Variants in PTPRT observed in about 807,000 individuals in gnomAD.
The protein encoded by PTPRT is receptor-type tyrosine-protein phosphatase T.
PTPRT carries 56 observed loss-of-function variants against 176.8 expected under a neutral mutation model. The ratio of observed to expected loss-of-function variants is 0.32; its 90% confidence interval spans 0.26 to 0.40. PTPRT has a LOEUF of 0.40. Ranked by LOEUF, PTPRT falls within the 10% of genes least tolerant of loss-of-function variation. PTPRT has a pLI of 1.00. For synonymous variants in PTPRT, 783 were observed against 739.0 expected, an observed-to-expected ratio of 1.06 and a Z score of -0.96; for missense variants, 1,540 against 1,908.2, an observed-to-expected ratio of 0.81 and a Z score of 3.60.
At chr20:42,621,228 C>T (rs1285776152) in intron 7 of PTPRT, among the ~76,000 whole-genome samples, 1 of 152,192 alleles carries the variant, frequency 6.6e-6, no homozygotes, top group East Asian at 1.9e-4. Context: ...GCCTGCCCTC[C>T]AGCTCCTCGG....
At chr20:42,775,088 G>T (rs940989091) in intron 4 of PTPRT, among the ~76,000 whole-genome samples, 1 of 152,148 alleles carries the variant, frequency 6.6e-6, no homozygotes, top group Non-Finnish European at 1.5e-5. Flanking sequence ...CCATCGGCTC[G>T]TGGTTCTAAG....
At chr20:42,939,704 C>T (rs963151051) in intron 1 of PTPRT, among the ~76,000 whole-genome samples, 8 of 151,796 alleles carry the variant, frequency 5.3e-5, no homozygotes, top group African/African-American at 1.9e-4. Context: ...CTTCAAAGGG[C>T]TTATATTTTA....
At chr20:42,397,851 T>C (rs561031789) in intron 9 of PTPRT, among the ~76,000 whole-genome samples, 2 of 152,308 alleles carry the variant, frequency 1.3e-5, no homozygotes, top group South Asian at 4.1e-4. Context: ...TCTTGGTTCG[T>C]TGAGAAATCT....
chr20:42,508,824 A>G (rs748345341), intron 7 of PTPRT, among the ~76,000 whole-genome samples: 27 of 150,432 alleles, frequency 1.8e-4, no homozygotes, highest in Admixed American at 4.7e-4. Flanking sequence ...TGGCTTTTGT[A>G]CTGGAAACTC....
At chr20:43,011,893 T>C (rs2146153103) in intron 1 of PTPRT, among the ~76,000 whole-genome samples, 1 of 152,306 alleles carries the variant, frequency 6.6e-6, no homozygotes, top group Middle Eastern at 3.4e-3. Flanking sequence ...TGCTGAGTCT[T>C]CCGGCCTTCA....
chr20:42,934,070 C>G (rs948827892), intron 1 of PTPRT, among the ~76,000 whole-genome samples: 1 of 152,224 alleles, frequency 6.6e-6, no homozygotes, highest in Non-Finnish European at 1.5e-5. Context: ...CAGTGACACA[C>G]GTTGGAATTA....
intron 5 of PTPRT, 88 bp from the exon 6 acceptor site, chr20:42,756,724 A>G (rs1241268955): frequency 2.5e-6 from 3 of 1,193,516 alleles, no homozygotes; most frequent in Non-Finnish European, 3.4e-6. Flanking sequence ...ACCCATCCTC[A>G]CACCCCTGGG....
intron 9 of PTPRT, among the ~76,000 whole-genome samples, chr20:42,409,541 T>C (rs527419290): frequency 2.9e-5 from 4 of 138,864 alleles, no homozygotes; most frequent in Non-Finnish European, 6.2e-5. Context: ...CAAACTGATA[T>C]ATCAACAATG....
chr20:43,121,061 T>C (rs1304600732), intron 1 of PTPRT, among the ~76,000 whole-genome samples: 1 of 151,686 alleles, frequency 6.6e-6, no homozygotes, highest in African/African-American at 2.4e-5. Flanking sequence ...CTTCTATCAC[T>C]GTAGATGAGT....
chr20:42,116,757 G>A (rs1003963999), intron 21 of PTPRT, among the ~76,000 whole-genome samples: 1 of 152,206 alleles, frequency 6.6e-6, no homozygotes, highest in Non-Finnish European at 1.5e-5. Flanking sequence ...TATGATGGTT[G>A]TAGGTTTCGG....
At chr20:42,354,650 A>G (rs896193834) in intron 9 of PTPRT, among the ~76,000 whole-genome samples, 2 of 152,208 alleles carry the variant, frequency 1.3e-5, no homozygotes, top group African/African-American at 4.8e-5. Flanking sequence ...AGTGACTTCC[A>G]TTCTTGAGAG....
intron 7 of PTPRT, among the ~76,000 whole-genome samples, chr20:42,515,742 T>A (rs1279973175): frequency 6.6e-6 from 1 of 152,080 alleles, no homozygotes; most frequent in African/African-American, 2.4e-5. Context: ...ATCTTTGCCA[T>A]CCCATTACTG....
At chr20:42,058,478 C>T in the PTPRT span, among the ~76,000 whole-genome samples, 1 of 152,166 alleles carries the variant, frequency 6.6e-6, no homozygotes, top group Admixed American at 6.5e-5. Flanking sequence ...ATCTCAGCCA[C>T]TCTCATATTC....
At chr20:42,979,082 T>C (rs980320587) in intron 1 of PTPRT, among the ~76,000 whole-genome samples, 10 of 152,334 alleles carry the variant, frequency 6.6e-5, no homozygotes, top group African/African-American at 2.4e-4. Context: ...ATTGTTTAAA[T>C]TGTTGTCAAC....
At chr20:42,927,272 A>G (rs992103099) in intron 1 of PTPRT, among the ~76,000 whole-genome samples, 4 of 152,172 alleles carry the variant, frequency 2.6e-5, no homozygotes, top group Non-Finnish European at 5.9e-5. Context: ...GATTGTAGAA[A>G]AAAGGGGGGC....
intron 17 of PTPRT, among the ~76,000 whole-genome samples, chr20:42,143,263 G>A (rs1227491783): frequency 1.3e-5 from 2 of 152,204 alleles, no homozygotes; most frequent in East Asian, 3.9e-4. Flanking sequence ...CTGCTAGAAA[G>A]TTGTGGCAGT....
intron 6 of PTPRT, among the ~76,000 whole-genome samples, chr20:42,728,829 G>A (rs1257650977): frequency 6.6e-6 from 1 of 152,194 alleles, no homozygotes; most frequent in Non-Finnish European, 1.5e-5. Context: ...CACCTTTGAA[G>A]TTAGGGGAAA....
At chr20:42,478,481 A>G (rs1486020601) in intron 7 of PTPRT, among the ~76,000 whole-genome samples, 1 of 152,096 alleles carries the variant, frequency 6.6e-6, no homozygotes, top group African/African-American at 2.4e-5. Flanking sequence ...CCACCCTGCA[A>G]CAGGTACCTT....
chr20:42,084,957 C>T lies in PTPRT; in HGVS notation c.3973-112G>A, dbSNP rs1028554688. The T allele has an allele frequency of 4.5e-6, 4 of 895,886 alleles. No homozygotes were observed. In the African/African-American group the frequency reaches 6.9e-5, roughly 15 times the overall value. The allele number at this position is 895,886 out of a possible 1,614,324, so 55.5% of individuals were successfully genotyped here. Reference sequence around the variant, plus strand: ...TGGTGGAAGACAGACCAAATGGGATCTAAGCCATGTCCTCACGGGGAGAGT... The same window carrying T: ...TGGTGGAAGACAGACCAAATGGGATTTAAGCCATGTCCTCACGGGGAGAGT... On this transcript the variant is annotated intron_variant, in intron 28 of 30. Transcript: ENST00000373187.
Sources: allele counts gnomAD v4.1 joint callset (sites outside exome capture counted in the v4.1 genomes callset), GRCh38; gene constraint gnomAD v4.1.1; transcripts MANE v1.5; gene names NCBI Gene and HGNC (gene_info 2026-07-23, HGNC 2026-07-21).